SCUBE3: variants seen among roughly 807,000 people sequenced by gnomAD.
SCUBE3 encodes signal peptide, CUB domain and EGF like domain containing 3.
In SCUBE3, 33 loss-of-function variants were observed where a neutral mutation model predicts 116.8. The observed-to-expected ratio is 0.28, with a 90% CI of 0.21 to 0.38. The LOEUF (loss-of-function observed/expected upper bound fraction) is 0.38. Among genes scored for constraint, SCUBE3 ranks in the 10% least tolerant of loss-of-function variants. The pLI is 1.00. For missense variants in SCUBE3, 1,007 were observed against 1,324.8 expected (o/e 0.76, Z 3.72); for synonymous variants, 418 against 496.9 (o/e 0.84, Z 2.11).
chr6:35,215,645 G>T (rs1275575762), intron 1 of SCUBE3, among the ~76,000 whole-genome samples: 1 of 152,214 alleles, frequency 6.6e-6, no homozygotes, highest in East Asian at 1.9e-4. Flanking sequence ...GAGCCTGAGC[G>T]TTTGGCTCTT....
chr6:35,234,429 C>G (rs1783676976), intron 6 of SCUBE3, among the ~76,000 whole-genome samples: 1 of 152,184 alleles, frequency 6.6e-6, no homozygotes, highest in African/African-American at 2.4e-5. Flanking sequence ...AGATGATGCT[C>G]TTACAGGGCT....
At position 35,241,489 on chromosome 6, in the gene SCUBE3, C is replaced by G. The variant is rs1361203439; in HGVS notation, c.1196-54C>G. ...CAAGTAGCTGATTCCTCCAAATTAC[C>G]CAACTGAGGGAAAGGAATGCATTCA... On this transcript the variant is annotated intron_variant, in intron 10 of 21. Coordinates refer to ENST00000274938, the MANE Select transcript of SCUBE3 (RefSeq NM_152753.4). The surrounding 1 kb of genome is among the most constrained non-coding windows in gnomAD (Gnocchi z 4.1). 2 of 1,324,722 alleles carry G rather than the reference C, an allele frequency of 1.5e-6. No individual in the cohort carries two copies. Among genetic ancestry groups the G allele is most frequent in the Non-Finnish European group, 2.2e-6 (2 of 916,628 alleles). The allele number at this position is 1,324,722 out of a possible 1,614,324, so 82.1% of individuals were successfully genotyped here. A position where few individuals can be genotyped will look rare whatever the true frequency, so the allele number is the denominator to read the frequency against.
In SCUBE3 at chr6:35,242,676, C is replaced by A. The variant is rs1258245047; in HGVS notation, c.1589C>A (p.Ser530Tyr). The A allele has an allele frequency of 2.5e-6, 4 of 1,614,020 alleles. No individual in the cohort carries two copies. In the African/African-American group the frequency reaches 4.0e-5, roughly 16 times the overall value. Residue 530 changes from serine (S) to tyrosine (Y), a missense_variant, in exon 14 of 22, where the codon TCC becomes TAC. Ser to Tyr is a moderately radical substitution (Grantham distance 144, BLOSUM62 -2). Coordinates refer to ENST00000274938, the MANE Select transcript of SCUBE3 (RefSeq NM_152753.4). ...QVTFIHLKCDSSRKGKGRRAR... is the reference protein window; with the variant it reads ...QVTFIHLKCDYSRKGKGRRAR... ...ACCTTCATCCACCTTAAGTGTGACT[C>A]CTCTCGGAAGGGCAAGGGCCGACGG... is the stretch of plus-strand genomic sequence containing the variant.
At position 35,252,281 on chromosome 6, in the gene SCUBE3, C is replaced by T. The variant is rs1784581022; in HGVS notation, c.*3576C>T. ...GCCTAGAAATCCCCAAAGGCTGGCACTGAGCTGTGACTGCTTTAACAGCCC... is the reference window on the plus strand; with the variant it reads ...GCCTAGAAATCCCCAAAGGCTGGCATTGAGCTGTGACTGCTTTAACAGCCC... On this transcript the variant is annotated 3_prime_UTR_variant, in exon 22 of 22. Coordinates refer to ENST00000274938, the MANE Select transcript of SCUBE3 (RefSeq NM_152753.4). 6.6e-6 allele frequency: 1 copy of T among 152,238 alleles called. No homozygotes were observed. The highest frequency in any genetic ancestry group is 1.5e-5 in the Non-Finnish European group (1 of 68,048). The allele number at this position is 152,238 out of a possible 1,614,324, so 9.4% of individuals were successfully genotyped here.
At chr6:35,215,807 A>C (rs941369045) in intron 1 of SCUBE3, among the ~76,000 whole-genome samples, 1 of 152,126 alleles carries the variant, frequency 6.6e-6, no homozygotes. Flanking sequence ...AGAGATCCTC[A>C]GCTGTCAAAT....
At chr6:35,237,876 C>G in intron 6 of SCUBE3, 26 bp from the exon 7 acceptor site, 1 of 1,446,776 alleles carries the variant, frequency 6.9e-7, no homozygotes, top group Non-Finnish European at 9.7e-7. Flanking sequence ...AACCTCATTA[C>G]CATCCCCCAC....
chr6:35,244,136 TAAGCTA>T lies in SCUBE3; in HGVS notation c.2239+7_2239+12del, dbSNP rs1784222336. Reference sequence around the variant, plus strand: ...CCAAGACTGTGACACCAAAGGTGAGTAAGCTACTCACCTCCCTGGGGGATGCCCCAA... The same window carrying T: ...CCAAGACTGTGACACCAAAGGTGAGTCTCACCTCCCTGGGGGATGCCCCAA... On this transcript the variant is annotated splice_region_variant and intron_variant, in intron 17 of 21. Coordinates refer to ENST00000274938, the MANE Select transcript of SCUBE3 (RefSeq NM_152753.4). The surrounding 1 kb of genome is among the most constrained non-coding windows in gnomAD (Gnocchi z 4.3). 1 of 1,611,738 alleles carries T rather than the reference TAAGCTA, an allele frequency of 6.2e-7. No homozygotes were observed. The highest frequency in any genetic ancestry group is 8.5e-7 in the Non-Finnish European group (1 of 1,178,680).
In SCUBE3 at chr6:35,246,225, A is replaced by G; in HGVS notation, c.2772A>G (p.Val924=). ...VTYDEDYEQL[V]EDIVRDGRLY... ...TTGCAGAGGACTATGAGCAGCTGGTAGAAGACATTGTGCGAGATGGCCGGC... is the reference window on the plus strand; with the variant it reads ...TTGCAGAGGACTATGAGCAGCTGGTGGAAGACATTGTGCGAGATGGCCGGC... The change falls in exon 21 of 22, where the codon GTA becomes GTG. Residue 924 remains valine (V), a synonymous_variant. Transcript: ENST00000274938. 1 of 1,614,170 alleles carries G rather than the reference A, an allele frequency of 6.2e-7. No individual in the cohort carries two copies. The highest frequency in any genetic ancestry group is 8.5e-7 in the Non-Finnish European group (1 of 1,179,984).
Position 35,231,405 on chromosome 6 carries a change from C to T in SCUBE3, c.335-320C>T, listed in dbSNP as rs561721468. 6.6e-6 allele frequency among the ~76,000 whole-genome samples: 1 copy of T among 152,234 alleles called. No individual in the cohort carries two copies. Among genetic ancestry groups the T allele is most frequent in the Non-Finnish European group, 1.5e-5 (1 of 68,048 alleles). On this transcript the variant is annotated intron_variant, in intron 3 of 21. Transcript: ENST00000274938. This position sits in a 1 kb window ranked among gnomAD's most constrained non-coding sequence, Gnocchi z 4.2. Reference sequence around the variant, plus strand: ...CTTACCTTCATCACTGTTCCTCTTTCTCTGGCTTCTTTCCTGGTGTCCTCT... The same window carrying T: ...CTTACCTTCATCACTGTTCCTCTTTTTCTGGCTTCTTTCCTGGTGTCCTCT...
chr6:35,245,676 T>A lies in SCUBE3; in HGVS notation c.2599+251T>A, dbSNP rs1784305642. ...TCCAATGGCGTTACATGTATCACTT[T>A]CCTATCCTAGCATTTTTGCCATTCC... On this transcript the variant is annotated intron_variant, in intron 19 of 21. Transcript: ENST00000274938. This position sits in a 1 kb window ranked among gnomAD's most constrained non-coding sequence, Gnocchi z 4.2. Among the ~76,000 whole-genome samples the A allele has an allele frequency of 6.6e-6, 1 of 152,234 alleles. No homozygotes were observed. Among genetic ancestry groups the A allele is most frequent in the South Asian group, 2.1e-4 (1 of 4,830 alleles).
At chr6:35,236,780 A>G (rs776410729) in intron 6 of SCUBE3, among the ~76,000 whole-genome samples, 9 of 152,196 alleles carry the variant, frequency 5.9e-5, no homozygotes, top group Non-Finnish European at 1.2e-4. Flanking sequence ...CCATTCTTCT[A>G]TCTTCCCTAG....
At chr6:35,227,730 A>T in intron 2 of SCUBE3, 28 bp downstream of exon 2, 1 of 1,613,266 alleles carries the variant, frequency 6.2e-7, no homozygotes, top group Non-Finnish European at 8.5e-7. Flanking sequence ...CCTGGAGGAG[A>T]GGGACCTGTG....
chr6:35,243,598 C>T lies in SCUBE3; in HGVS notation c.1914C>T (p.Ser638=). The change falls in exon 16 of 22, where the codon AGC becomes AGT. Residue 638 remains serine, a synonymous_variant. Coordinates refer to ENST00000274938, the MANE Select transcript of SCUBE3 (RefSeq NM_152753.4). The surrounding 1 kb of genome is among the most constrained non-coding windows in gnomAD (Gnocchi z 6.6). ...GQHRAGTKCV[S]CPQGTYYHGQ... ...GCGCGGCCGACTCTCCCTCAGTCAG[C>T]TGCCCGCAGGGAACGTATTACCACG... The T allele has an allele frequency of 6.2e-7, 1 of 1,606,040 alleles. No homozygotes were observed. Among genetic ancestry groups the T allele is most frequent in the Non-Finnish European group, 8.5e-7 (1 of 1,174,536 alleles).
rs141799572 is a variant in SCUBE3, at chr6:35,244,733, C to T, written c.2323C>T (p.Arg775Cys). 45 of 1,614,176 alleles carry T rather than the reference C, an allele frequency of 2.8e-5. No individual in the cohort carries two copies. The highest frequency in any genetic ancestry group is 3.3e-5 in the South Asian group (3 of 91,086). Reference sequence around the variant, plus strand: ...CATGGGCTCCTATCAGCCCGACTTCCGTCAGAACTTCTGCAGCCGCTGTCC... The same window carrying T: ...CATGGGCTCCTATCAGCCCGACTTCTGTCAGAACTTCTGCAGCCGCTGTCC... ...CAMGSYQPDF[R>C]QNFCSRCPGN... is the part of the protein sequence containing the mutation. The change falls in exon 18 of 22, where the codon CGT becomes TGT. Residue 775 changes from arginine to cysteine, a missense_variant. Transcript: ENST00000274938. The surrounding 1 kb of genome is among the most constrained non-coding windows in gnomAD (Gnocchi z 4.3).
rs1205843610 is a variant in SCUBE3, at chr6:35,214,440, G to C, written c.22G>C (p.Gly8Arg). The change falls in exon 1 of 22, where the codon GGG (glycine) becomes CGG (arginine). Residue 8 changes from glycine to arginine, a missense_variant. Around this residue, in one of 5 missense-constraint regions of SCUBE3, gnomAD observed 94 missense variants for 92.0 expected, o/e 1.02. Transcript: ENST00000274938. This position sits in a 1 kb window ranked among gnomAD's most constrained non-coding sequence, Gnocchi z 6.3. ...AGCCATGGGCTCGGGGCGCGTACCC[G>C]GGCTCTGCCTGCTTGTCCTGCTGGT... The part of the protein sequence containing the change: MGSGRVP[G>R]LCLLVLLVHA... 1.9e-5 allele frequency: 28 copies of C among 1,484,242 alleles called. No homozygotes were observed. The highest frequency in any genetic ancestry group is 2.4e-5 in the Non-Finnish European group (27 of 1,120,234). The allele number at this position is 1,484,242 out of a possible 1,614,324, so 91.9% of individuals were successfully genotyped here.
chr6:35,232,782 C>A lies in SCUBE3; in HGVS notation c.470-68C>A. Reference sequence around the variant, plus strand: ...CCCAGTTCCCTAGGTCCCCAGTTGCCCCCTGTAGTTTTTCTTTTCTAGACA... The same window carrying A: ...CCCAGTTCCCTAGGTCCCCAGTTGCACCCTGTAGTTTTTCTTTTCTAGACA... On this transcript the variant is annotated intron_variant, in intron 4 of 21. Transcript: ENST00000274938. This position sits in a 1 kb window ranked among gnomAD's most constrained non-coding sequence, Gnocchi z 4.2. 6.6e-7 allele frequency: 1 copy of A among 1,524,790 alleles called. No homozygotes were observed. The allele number at this position is 1,524,790 out of a possible 1,614,324, so 94.5% of individuals were successfully genotyped here. A position where few individuals can be genotyped will look rare whatever the true frequency, so the allele number is the denominator to read the frequency against.
Position 35,245,147 on chromosome 6 carries a change from A to T in SCUBE3, c.2402-81A>T. 1 of 1,290,614 alleles carries T rather than the reference A, an allele frequency of 7.7e-7. No individual in the cohort carries two copies. Among genetic ancestry groups the T allele is most frequent in the Non-Finnish European group, 1.1e-6 (1 of 892,338 alleles). 79.9% of individuals were successfully genotyped at this position (1,290,614 alleles called of 1,614,324 possible). A position where few individuals can be genotyped will look rare whatever the true frequency, so the allele number is the denominator to read the frequency against. ...CCCATAAATGTCTGACCTCTACTTC[A>T]GAACTCTTCAATTCCCCCAGCACAC... is the stretch of plus-strand genomic sequence containing the variant. On this transcript the variant is annotated intron_variant, in intron 18 of 21. Coordinates refer to ENST00000274938, the MANE Select transcript of SCUBE3 (RefSeq NM_152753.4). The surrounding 1 kb of genome is among the most constrained non-coding windows in gnomAD (Gnocchi z 4.2).
rs1479208074 is a variant in SCUBE3 at position 35,240,635 on chromosome 6, G to A, written c.1069+145G>A. On this transcript the variant is annotated intron_variant, in intron 9 of 21. Transcript: ENST00000274938. The surrounding 1 kb of genome is among the most constrained non-coding windows in gnomAD (Gnocchi z 4.6). The stretch of plus-strand genomic sequence containing the variant: ...CTGCATCCGCTGTGACAAAATAGGA[G>A]GAATTAAGACAGCTTTTGAAGAACT... 1.9e-6 allele frequency: 1 copy of A among 536,506 alleles called. No homozygotes were observed. Among genetic ancestry groups the A allele is most frequent in the African/African-American group, 1.9e-5 (1 of 51,656 alleles). 33.2% of individuals were successfully genotyped at this position (536,506 alleles called of 1,614,324 possible).
Position 35,244,268 on chromosome 6 carries a change from C to A in SCUBE3, c.2239+138C>A. 1.4e-6 allele frequency: 1 copy of A among 732,668 alleles called. No homozygotes were observed. Among genetic ancestry groups the A allele is most frequent in the Non-Finnish European group, 2.2e-6 (1 of 450,776 alleles). The allele number at this position is 732,668 out of a possible 1,614,324, so 45.4% of individuals were successfully genotyped here. On this transcript the variant is annotated intron_variant, in intron 17 of 21. Coordinates refer to ENST00000274938, the MANE Select transcript of SCUBE3 (RefSeq NM_152753.4). The surrounding 1 kb of genome is among the most constrained non-coding windows in gnomAD (Gnocchi z 4.3). ...GGCCCAGCTACTTGACCAACCATAC[C>A]ATCCTGCTTCCAGGACCCACCCTGC...
Sources: allele counts gnomAD v4.1 joint callset (sites outside exome capture counted in the v4.1 genomes callset), GRCh38; gene constraint gnomAD v4.1.1; regional missense constraint gnomAD v4.1.1; non-coding constraint Gnocchi (gnomAD v3.1); transcripts MANE v1.5; gene names NCBI Gene and HGNC (gene_info 2026-07-23, HGNC 2026-07-21).